Variants in MTHFD1 observed in about 807,000 individuals in gnomAD.
MTHFD1 encodes the protein methylenetetrahydrofolate dehydrogenase, cyclohydrolase and formyltetrahydrofolate synthetase 1.
A neutral mutation model predicts 110.3 loss-of-function variants in MTHFD1; 44 were observed. The observed-to-expected ratio is 0.40, with a 90% CI of 0.31 to 0.51. The LOEUF (loss-of-function observed/expected upper bound fraction) is 0.51. Among genes scored for constraint, MTHFD1 ranks in the 20% least tolerant of loss-of-function variants. The probability of loss-of-function intolerance (pLI) is 0.60; values close to 1 mark genes in which losing one functional copy is unlikely to be tolerated. For synonymous variants in MTHFD1, 402 were observed against 428.8 expected (o/e 0.94, Z 0.77); for missense variants, 909 against 1,173.1 (o/e 0.77, Z 3.29).
intron 21 of MTHFD1, among the ~76,000 whole-genome samples, chr14:64,444,296 G>A (rs1009154626): frequency 2.6e-5 from 4 of 152,034 alleles, no homozygotes; most frequent in Non-Finnish European, 4.4e-5. Context: ...GGCTCATCAC[G>A]GGCTCTATCG....
At chr14:64,448,569 G>A in intron 23 of MTHFD1, 1 of 510,330 alleles carries the variant, frequency 2.0e-6, no homozygotes, top group Non-Finnish European at 3.5e-6. Flanking sequence ...ACACAAGCCT[G>A]AAGTTCAATG....
At chr14:64,399,313 C>T (rs961894083) in intron 1 of MTHFD1, among the ~76,000 whole-genome samples, 9 of 152,216 alleles carry the variant, frequency 5.9e-5, no homozygotes, top group Non-Finnish European at 1.0e-4. Context: ...TCAACTAATA[C>T]ATTTTCAATT....
intron 1 of MTHFD1, chr14:64,388,880 GATA>G (rs1313523274): frequency 6.9e-6 from 2 of 291,306 alleles, no homozygotes; most frequent in African/African-American, 4.2e-5. Context: ...CTACAAGGCT[GATA>G]ATGACAGAGG....
At chr14:64,431,036 G>C (rs1003007654) in intron 13 of MTHFD1, among the ~76,000 whole-genome samples, 1 of 151,348 alleles carries the variant, frequency 6.6e-6, no homozygotes, top group Admixed American at 6.6e-5. Flanking sequence ...TCTGTGGACA[G>C]ATAATTAGTC....
Position 64,428,102 on chromosome 14 carries a change from G to GTTT in MTHFD1, c.1264+652_1264+654dup, listed in dbSNP as rs11289659. ...TATTGCTGCGGTACTAAGAACATGT[G>GTTT]TTTTTTTTTTTTTTTTTTTTTTTTT... On this transcript the variant is annotated intron_variant, in intron 12 of 27. Transcript: ENST00000652337. Among the ~76,000 whole-genome samples the GTTT allele has an allele frequency of 2.8e-3, 211 of 74,720 alleles. 1 individual carries two copies. The highest frequency in any genetic ancestry group is 6.2e-3 in the African/African-American group (124 of 19,852). 49.0% of individuals were successfully genotyped at this position (74,720 alleles called of 152,430 possible).
chr14:64,442,387 C>A lies in MTHFD1; in HGVS notation c.2121C>A (p.His707Gln), dbSNP rs376487146. ...LVATVRALKM[H>Q]GGGPTVTAGL... ...CCACTGTCAGGGCTCTCAAGATGCA[C>A]GGGGGCGGCCCCACGGTGAGTGGTG... is the stretch of plus-strand genomic sequence containing the variant. The change falls in exon 21 of 28, where the codon CAC becomes CAA. Residue 707 changes from histidine (H) to glutamine (Q), a missense_variant. By Grantham distance (24) the His-to-Gln change is conservative. This residue lies in a region of MTHFD1 where 482 missense variants were observed against 646.0 expected (regional missense o/e 0.75). Coordinates refer to ENST00000652337, the MANE Select transcript of MTHFD1 (RefSeq NM_005956.4). 1 of 1,614,050 alleles carries A rather than the reference C, an allele frequency of 6.2e-7. No homozygotes were observed. Among genetic ancestry groups the A allele is most frequent in the Admixed American group, 1.7e-5 (1 of 60,014 alleles).
At chr14:64,409,242 A>G (rs183437518) in intron 2 of MTHFD1, among the ~76,000 whole-genome samples, 40 of 152,346 alleles carry the variant, frequency 2.6e-4, no homozygotes, top group African/African-American at 8.7e-4. Context: ...CAAATCAGGC[A>G]AGGCCAGTCA....
chr14:64,454,611 G>T (rs1381162895), intron 25 of MTHFD1, 112 bp from the exon 26 acceptor site: 2 of 836,144 alleles, frequency 2.4e-6, no homozygotes, highest in Admixed American at 1.9e-5. Context: ...TATATAAAGG[G>T]AGTTGGATGT....
chr14:64,396,304 G>A (rs1183410651), intron 1 of MTHFD1, among the ~76,000 whole-genome samples: 1 of 150,824 alleles, frequency 6.6e-6, no homozygotes, highest in African/African-American at 2.4e-5. Context: ...TGAAATATAT[G>A]TATTTCTTGG....
chr14:64,433,896 G>A (rs1287469537), intron 15 of MTHFD1, among the ~76,000 whole-genome samples: 3 of 151,838 alleles, frequency 2.0e-5, no homozygotes, highest in Non-Finnish European at 4.4e-5. Flanking sequence ...TGGGCATGGT[G>A]GTGCACGCCT....
At chr14:64,447,347 G>A (rs2078298892) in intron 22 of MTHFD1, among the ~76,000 whole-genome samples, 1 of 151,302 alleles carries the variant, frequency 6.6e-6, no homozygotes, top group Non-Finnish European at 1.5e-5. Flanking sequence ...ATAGATACGG[G>A]GTTTCACCAT....
At position 64,454,776 on chromosome 14, in the gene MTHFD1, C is replaced by T. The variant is rs914153061; in HGVS notation, c.2619C>T (p.His873=). ...CTAAAACACACTTGTCTTTGTCTCA[C>T]AACCCAGAGCAAAAAGGTGTCCCTA... is the stretch of plus-strand genomic sequence containing the variant. ...CMAKTHLSLS[H]NPEQKGVPTG... Residue 873 remains histidine, a synonymous_variant, in exon 26 of 28, where the codon CAC becomes CAT. Coordinates refer to ENST00000652337, the MANE Select transcript of MTHFD1 (RefSeq NM_005956.4). 3.4e-5 allele frequency: 55 copies of T among 1,613,906 alleles called. No homozygotes were observed. The highest frequency in any genetic ancestry group is 6.7e-5 in the African/African-American group (5 of 74,942).
At chr14:64,459,369 T>C (rs1371579829) in intron 27 of MTHFD1, among the ~76,000 whole-genome samples, 3 of 152,044 alleles carry the variant, frequency 2.0e-5, no homozygotes, top group Non-Finnish European at 4.4e-5. Flanking sequence ...TGAGAAAAAC[T>C]AGAAAAAGCT....
intron 12 of MTHFD1, among the ~76,000 whole-genome samples, chr14:64,429,668 AAAAACCCAAATCC>A (rs1423000109): frequency 3.3e-5 from 5 of 152,146 alleles, no homozygotes; most frequent in East Asian, 3.8e-4. Context: ...TCTGGAAAAC[AAAAACCCAAATCC>A]AAAACCCAAA....
intron 8 of MTHFD1, among the ~76,000 whole-genome samples, chr14:64,422,247 TCA>T (rs2078080470): frequency 6.6e-6 from 1 of 152,144 alleles, no homozygotes; most frequent in Admixed American, 6.5e-5. Context: ...GCAGAATCAC[TCA>T]GTTACAGACC....
intron 2 of MTHFD1, among the ~76,000 whole-genome samples, chr14:64,409,911 A>G (rs1287730484): frequency 2.0e-5 from 3 of 152,148 alleles, no homozygotes; most frequent in Non-Finnish European, 2.9e-5. Flanking sequence ...TTTCTCTGCC[A>G]TGGTCCTGTT....
At chr14:64,444,583 GT>G in intron 21 of MTHFD1, 109 bp from the exon 22 acceptor site, 1 of 1,210,490 alleles carries the variant, frequency 8.3e-7, no homozygotes, top group Non-Finnish European at 1.2e-6. Context: ...TTATACTACT[GT>G]ACAGCCTGCA....
intron 1 of MTHFD1, among the ~76,000 whole-genome samples, chr14:64,389,586 G>T (rs970560609): frequency 1.3e-5 from 2 of 152,088 alleles, no homozygotes; most frequent in Admixed American, 1.3e-4. Flanking sequence ...GCAGGCATCT[G>T]TAATCCCAGC....
intron 24 of MTHFD1, among the ~76,000 whole-genome samples, chr14:64,451,791 G>A (rs902353163): frequency 3.3e-5 from 5 of 152,176 alleles, no homozygotes; most frequent in Admixed American, 2.0e-4. Context: ...TTCAACCAAA[G>A]TGCTTTTGCT....
Sources: gnomAD v4.1 joint callset for allele counts (sites outside exome capture counted in the v4.1 genomes callset) on GRCh38, gnomAD v4.1.1 for gene constraint, gnomAD v4.1.1 regional missense constraint, MANE v1.5 for transcripts, NCBI Gene and HGNC (gene_info 2026-07-23, HGNC 2026-07-21) for gene names.